FSTL5: variants seen among roughly 807,000 people sequenced by gnomAD.
FSTL5 encodes follistatin-related protein 5.
Under a neutral mutation model 89.1 loss-of-function variants are expected in FSTL5, and 62 were observed. The ratio of observed to expected loss-of-function variants is 0.70; its 90% CI spans 0.57 to 0.86. The LOEUF is 0.86. Ranked by LOEUF, FSTL5 falls within the 40% of genes least tolerant of loss-of-function variation. The pLI is 0.00. For synonymous variants in FSTL5, 383 were observed against 346.2 expected (o/e 1.11, Z -1.18); for missense variants, 1,057 against 1,001.6 (o/e 1.06, Z -0.75).
intron 6 of FSTL5, among the ~76,000 whole-genome samples, chr4:161,692,903 T>C (rs2126721224): frequency 6.6e-6 from 1 of 152,198 alleles, no homozygotes; most frequent in South Asian, 2.1e-4. Flanking sequence ...TTTGTATTTT[T>C]AGTAGAGAAG....
chr4:162,072,248 C>T (rs10009835), intron 2 of FSTL5, among the ~76,000 whole-genome samples: 35,567 of 151,704 alleles, frequency 0.23, 4,996 homozygotes, highest in Non-Finnish European at 0.32. Context: ...TTTTCCTTCA[C>T]ATCTGCAAAG....
chr4:162,031,318 G>C (rs1456750082), intron 3 of FSTL5, among the ~76,000 whole-genome samples: 4 of 152,096 alleles, frequency 2.6e-5, no homozygotes, highest in Non-Finnish European at 5.9e-5. Flanking sequence ...GAACTTCAAA[G>C]AATTACTAGC....
intron 6 of FSTL5, among the ~76,000 whole-genome samples, chr4:161,672,722 A>C (rs1458484328): frequency 6.8e-6 from 1 of 147,136 alleles, no homozygotes; most frequent in Non-Finnish European, 1.5e-5. Context: ...AAAAAAACCC[A>C]AAAATCTAAA....
chr4:161,856,645 CA>C (rs1731729785), intron 4 of FSTL5, among the ~76,000 whole-genome samples: 1 of 118,052 alleles, frequency 8.5e-6, no homozygotes, highest in South Asian at 3.1e-4. Flanking sequence ...CATTTATTTG[CA>C]TACTTGTGTG....
chr4:161,720,886 G>C (rs1739175982), intron 6 of FSTL5, among the ~76,000 whole-genome samples: 1 of 152,282 alleles, frequency 6.6e-6, no homozygotes, highest in Admixed American at 6.5e-5. Context: ...GGGAGGTATT[G>C]GTCAAAGGGT....
chr4:161,679,079 T>C (rs923068023), intron 6 of FSTL5, among the ~76,000 whole-genome samples: 12 of 151,658 alleles, frequency 7.9e-5, no homozygotes, highest in African/African-American at 2.9e-4. Context: ...ATTTTATTGA[T>C]GGAGAATTAG....
At chr4:161,992,549 G>A (rs1736141974) in intron 3 of FSTL5, among the ~76,000 whole-genome samples, 1 of 151,778 alleles carries the variant, frequency 6.6e-6, no homozygotes, top group African/African-American at 2.4e-5. Flanking sequence ...CTTTAGATAT[G>A]CAAGTAGTGG....
At chr4:161,802,565 C>A (rs1217392217) in intron 4 of FSTL5, among the ~76,000 whole-genome samples, 1 of 151,640 alleles carries the variant, frequency 6.6e-6, no homozygotes, top group Non-Finnish European at 1.5e-5. Context: ...TTCCCAATCC[C>A]ATAGCATTAA....
chr4:161,716,475 T>G (rs1389371792), intron 6 of FSTL5, among the ~76,000 whole-genome samples: 1 of 152,024 alleles, frequency 6.6e-6, no homozygotes, highest in African/African-American at 2.4e-5. Context: ...TGTGTGCCTG[T>G]AGTCTCAGCT....
chr4:161,640,535 T>C (rs1199211993), intron 7 of FSTL5, among the ~76,000 whole-genome samples: 3 of 152,112 alleles, frequency 2.0e-5, no homozygotes, highest in African/African-American at 7.2e-5. Context: ...AGTTCACTAG[T>C]GGGATTCAAA....
chr4:162,111,338 C>A lies in FSTL5; in HGVS notation c.59G>T (p.Gly20Val), dbSNP rs1731433384. Residue 20 changes from glycine to valine, a missense_variant, in exon 2 of 16, where the codon GGA becomes GTA. By Grantham distance (109) the Gly-to-Val change is moderately radical. Coordinates refer to ENST00000306100, the MANE Select transcript of FSTL5 (RefSeq NM_020116.5). Reference sequence around the variant, plus strand: ...ATATCCTCCTTCTTTGGTTGGCCTTCCTTCCGACTCCAGAAAAATGAATCC... The same window carrying A: ...ATATCCTCCTTCTTTGGTTGGCCTTACTTCCGACTCCAGAAAAATGAATCC... ...VLGFIFLESE[G>V]RPTKEGGYGL... 1 of 1,612,156 alleles carries A rather than the reference C, an allele frequency of 6.2e-7. No homozygotes were observed. Among genetic ancestry groups the A allele is most frequent in the Non-Finnish European group, 8.5e-7 (1 of 1,178,616 alleles).
intron 8 of FSTL5, among the ~76,000 whole-genome samples, chr4:161,584,390 A>G (rs563209202): frequency 3.3e-5 from 5 of 152,340 alleles, no homozygotes; most frequent in African/African-American, 1.2e-4. Context: ...TGTGAATTAG[A>G]TCACATCAAT....
chr4:161,657,986 G>A (rs1220196348), intron 6 of FSTL5, among the ~76,000 whole-genome samples: 1 of 152,134 alleles, frequency 6.6e-6, no homozygotes, highest in African/African-American at 2.4e-5. Context: ...TCTTGAAATT[G>A]GAAAATCCTA....
chr4:162,042,491 G>A (rs1260695428), intron 2 of FSTL5, among the ~76,000 whole-genome samples: 1 of 152,088 alleles, frequency 6.6e-6, no homozygotes, highest in African/African-American at 2.4e-5. Context: ...AACAGACTGG[G>A]TTAAGGAATT....
intron 2 of FSTL5, among the ~76,000 whole-genome samples, chr4:162,110,562 A>T (rs1731396878): frequency 6.6e-6 from 1 of 151,802 alleles, no homozygotes; most frequent in African/African-American, 2.4e-5. Context: ...GTTATTTTTG[A>T]TGTTTTTCCT....
intron 6 of FSTL5, among the ~76,000 whole-genome samples, chr4:161,751,941 A>G (rs1396917657): frequency 6.6e-6 from 1 of 152,180 alleles, no homozygotes; most frequent in Non-Finnish European, 1.5e-5. Flanking sequence ...GGATTATTTT[A>G]TAGTAGCTAT....
chr4:161,828,933 G>T (rs1282272437), intron 4 of FSTL5, among the ~76,000 whole-genome samples: 2 of 151,788 alleles, frequency 1.3e-5, no homozygotes, highest in Non-Finnish European at 2.9e-5. Flanking sequence ...CACTAAAGAA[G>T]TTTTTTTCCA....
At chr4:162,038,360 G>C (rs1737819367) in intron 2 of FSTL5, among the ~76,000 whole-genome samples, 1 of 151,674 alleles carries the variant, frequency 6.6e-6, no homozygotes, top group Admixed American at 6.6e-5. Context: ...CAGACAGTAT[G>C]ATAAAGATTA....
chr4:162,108,442 GTACT>G (rs1731311060), intron 2 of FSTL5, among the ~76,000 whole-genome samples: 1 of 151,880 alleles, frequency 6.6e-6, no homozygotes, highest in Admixed American at 6.6e-5. Flanking sequence ...CAGATTCAAA[GTACT>G]TACATTCTTC....
Sources: gnomAD v4.1 joint callset for allele counts (sites outside exome capture counted in the v4.1 genomes callset) on GRCh38, gnomAD v4.1.1 for gene constraint, MANE v1.5 for transcripts, NCBI Gene and HGNC (gene_info 2026-07-23, HGNC 2026-07-21) for gene names.